Variants in CLPB observed in about 807,000 individuals in gnomAD.
CLPB encodes ClpB family mitochondrial disaggregase.
CLPB carries 40 observed loss-of-function variants against 78.4 expected under a neutral mutation model. That is an observed-to-expected ratio of 0.51 (90% CI 0.40 to 0.66). The LOEUF (loss-of-function observed/expected upper bound fraction) is 0.66, where lower values mean the gene tolerates loss of function less well. Among genes scored for constraint, CLPB ranks in the 30% least tolerant of loss-of-function variants. CLPB has a pLI of 0.00. For synonymous variants in CLPB, 333 were observed against 348.0 expected (o/e 0.96, Z 0.48); for missense variants, 780 against 886.9 (o/e 0.88, Z 1.53).
In CLPB at chr11:72,288,767, T is replaced by C. The variant is rs988340643; in HGVS notation, c.*4600A>G. 5.9e-5 allele frequency: 9 copies of C among 152,098 alleles called. No individual in the cohort carries two copies. The highest frequency in any genetic ancestry group is 1.2e-4 in the Non-Finnish European group (8 of 68,068). 9.4% of individuals were successfully genotyped at this position (152,098 alleles called of 1,614,324 possible). ...ATCTGCCCTCTTAGAACTTACATTC[T>C]AGTGATGAAGACACAGAACAAGTAG... On this transcript the variant is annotated 3_prime_UTR_variant, in exon 16 of 16. Transcript: ENST00000538039.
intron 4 of CLPB, among the ~76,000 whole-genome samples, chr11:72,374,404 C>T (rs1211261771): frequency 6.6e-6 from 1 of 152,168 alleles, no homozygotes; most frequent in East Asian, 1.9e-4. Flanking sequence ...ATATCTGGTA[C>T]TGAAGCCCAA....
intron 4 of CLPB, among the ~76,000 whole-genome samples, chr11:72,367,208 G>A (rs1293111238): frequency 6.6e-6 from 1 of 152,146 alleles, no homozygotes; most frequent in African/African-American, 2.4e-5. Context: ...CTGTTGCCCA[G>A]GCTGGAGTGC....
intron 11 of CLPB, 76 bp downstream of exon 11, chr11:72,301,727 C>T: frequency 6.7e-7 from 1 of 1,487,464 alleles, no homozygotes; most frequent in Non-Finnish European, 9.1e-7. Flanking sequence ...AGCCTCTGGG[C>T]CCTTGCTTTC....
At chr11:72,314,638 G>A (rs1029670694) in intron 7 of CLPB, among the ~76,000 whole-genome samples, 5 of 151,908 alleles carry the variant, frequency 3.3e-5, no homozygotes, top group Admixed American at 6.6e-5. Context: ...GCACAAAAAC[G>A]ATTAAGTCAT....
intron 2 of CLPB, among the ~76,000 whole-genome samples, chr11:72,425,828 C>T (rs1256617025): frequency 6.6e-6 from 1 of 152,116 alleles, no homozygotes; most frequent in Non-Finnish European, 1.5e-5. Flanking sequence ...TTTACAAAGT[C>T]CAACTGATAT....
rs922836240 is a variant in CLPB, at chr11:72,320,391, T to G, written c.874-3171A>C. Among the ~76,000 whole-genome samples the G allele has an allele frequency of 2.6e-5, 4 of 152,166 alleles. No homozygotes were observed. In the East Asian group the frequency reaches 5.8e-4, roughly 22 times the overall value. On this transcript the variant is annotated intron_variant, in intron 6 of 15. Coordinates refer to ENST00000538039, the MANE Select transcript of CLPB (RefSeq NM_001258392.3). ...TGGGCAAAGGAAAGGACTCCTTGAC[T>G]TCTATGGAGGTGACAGGTGGGGTGG...
At chr11:72,344,431 C>T (rs1187134546) in intron 5 of CLPB, among the ~76,000 whole-genome samples, 2 of 151,736 alleles carry the variant, frequency 1.3e-5, no homozygotes, top group South Asian at 2.1e-4. Flanking sequence ...AGGCTGGTCT[C>T]AAACTCCCGG....
At chr11:72,303,503 C>G (rs1458079707) in intron 9 of CLPB, among the ~76,000 whole-genome samples, 2 of 152,202 alleles carry the variant, frequency 1.3e-5, no homozygotes, top group African/African-American at 2.4e-5. Context: ...GCCTGTGGAG[C>G]CTTGGACATG....
At position 72,391,026 on chromosome 11, in the gene CLPB, T is replaced by A. The variant is rs571323832; in HGVS notation, c.543-10642A>T. Among the ~76,000 whole-genome samples the A allele has an allele frequency of 6.2e-4, 94 of 152,310 alleles. 1 individual carries two copies. The South Asian group carries it at 6.2e-3, about 10-fold the overall frequency. On this transcript the variant is annotated intron_variant, in intron 3 of 15. Coordinates refer to ENST00000538039, the MANE Select transcript of CLPB (RefSeq NM_001258392.3). ...ACATGCAACAACATAGATGGATGAT[T>A]TTTTTCAAAAAGTGTTGAAGTCCTA... is the stretch of plus-strand genomic sequence containing the variant.
chr11:72,333,666 T>C (rs1369910845), intron 5 of CLPB, among the ~76,000 whole-genome samples: 3 of 152,182 alleles, frequency 2.0e-5, no homozygotes, highest in African/African-American at 4.8e-5. Context: ...CTGAGTGTCA[T>C]CAGTGTGCTG....
At position 72,288,138 on chromosome 11, in the gene CLPB, T is replaced by C. The variant is rs1470281067; in HGVS notation, c.*5229A>G. Reference sequence around the variant, plus strand: ...CCTTTGAGTTTTTCTTTTTGAACAATAAACATGTTACACTTTCATTTCCAA... The same window carrying C: ...CCTTTGAGTTTTTCTTTTTGAACAACAAACATGTTACACTTTCATTTCCAA... On this transcript the variant is annotated 3_prime_UTR_variant, in exon 16 of 16. Transcript: ENST00000538039. 1 of 152,126 alleles carries C rather than the reference T, an allele frequency of 6.6e-6. No homozygotes were observed. The highest frequency in any genetic ancestry group is 1.5e-5 in the Non-Finnish European group (1 of 68,018). The allele number at this position is 152,126 out of a possible 1,614,324, so 9.4% of individuals were successfully genotyped here. A position where few individuals can be genotyped will look rare whatever the true frequency, so the allele number is the denominator to read the frequency against.
intron 11 of CLPB, among the ~76,000 whole-genome samples, chr11:72,300,144 AAT>A (rs1949629514): frequency 6.6e-6 from 1 of 152,092 alleles, no homozygotes; most frequent in Non-Finnish European, 1.5e-5. Context: ...CCTGGGTTTG[AAT>A]CCTTGATTCT....
At chr11:72,295,682 G>A (rs1408496218) in intron 11 of CLPB, 34 bp from the exon 12 acceptor site, 2 of 1,610,322 alleles carry the variant, frequency 1.2e-6, no homozygotes, top group African/African-American at 2.7e-5. Context: ...TACAGTCAGG[G>A]AGCTATGTGC....
intron 4 of CLPB, among the ~76,000 whole-genome samples, chr11:72,377,262 T>G (rs1176443946): frequency 6.6e-6 from 1 of 152,208 alleles, no homozygotes; most frequent in African/African-American, 2.4e-5. Flanking sequence ...CCATGTGCTC[T>G]AGGACTCTGT....
rs1401224434 is a variant in CLPB, at chr11:72,294,124, G to C, written c.1683C>G (p.Ala561=). The C allele has an allele frequency of 1.2e-6, 2 of 1,613,952 alleles. No homozygotes were observed. Among genetic ancestry groups the C allele is most frequent in the Non-Finnish European group, 1.7e-6 (2 of 1,179,870 alleles). Residue 561 remains alanine (A), a splice_region_variant and synonymous_variant, in exon 15 of 16, where the codon GCC becomes GCG. Transcript: ENST00000538039. The part of the protein sequence containing the change: ...NKELNFWAKR[A]KQRHNITLLW... ...GCAGCGTGATGTTGTGCCTTTGCTT[G>C]GCCTGAGATGGGTCAGATAGAAGCA...
chr11:72,418,262 G>A (rs572741546), intron 2 of CLPB, among the ~76,000 whole-genome samples: 9 of 152,288 alleles, frequency 5.9e-5, no homozygotes, highest in South Asian at 4.1e-4. Flanking sequence ...GACTTACTAC[G>A]GTGAAGGCAG....
chr11:72,349,961 C>G (rs938389148), intron 5 of CLPB, among the ~76,000 whole-genome samples: 9 of 152,228 alleles, frequency 5.9e-5, no homozygotes, highest in African/African-American at 9.6e-5. Flanking sequence ...CCAGGCTCAT[C>G]TGAGGACTGC....
intron 1 of CLPB, chr11:72,430,633 G>A (rs971344232): frequency 2.5e-5 from 12 of 473,676 alleles, no homozygotes; most frequent in Non-Finnish European, 3.0e-5. Flanking sequence ...CTAGCACCAC[G>A]TCTTGCCTAT....
intron 5 of CLPB, among the ~76,000 whole-genome samples, chr11:72,352,046 C>CA (rs1950623802): frequency 6.6e-6 from 1 of 152,192 alleles, no homozygotes; most frequent in African/African-American, 2.4e-5. Flanking sequence ...AGTCACTACC[C>CA]ACACTCTCGA....
Sources: allele counts gnomAD v4.1 joint callset (sites outside exome capture counted in the v4.1 genomes callset), GRCh38; gene constraint gnomAD v4.1.1; transcripts MANE v1.5; gene names NCBI Gene and HGNC (gene_info 2026-07-23, HGNC 2026-07-21).